C5orf22: variants seen among roughly 807,000 people sequenced by gnomAD.
C5orf22 encodes the protein UPF0489 protein C5orf22.
In C5orf22, 36 loss-of-function variants were observed where a neutral mutation model predicts 48.7. The observed-to-expected ratio is 0.74, with a 90% CI of 0.57 to 0.98. The LOEUF (loss-of-function observed/expected upper bound fraction) is 0.98, where lower values mean the gene tolerates loss of function less well. Ranked by LOEUF, C5orf22 falls within the 50% of genes least tolerant of loss-of-function variation. The pLI, the probability that C5orf22 is intolerant of heterozygous loss-of-function variation, is 0.00. For synonymous variants in C5orf22, 141 were observed against 180.8 expected (o/e 0.78, Z 1.76); for missense variants, 486 against 521.9 (o/e 0.93, Z 0.67).
At chr5:31,540,731 A>G (rs1742399947) in intron 4 of C5orf22, 1 of 470,824 alleles carries the variant, frequency 2.1e-6, no homozygotes, top group Non-Finnish European at 3.8e-6. Context: ...TGAAGAAGTG[A>G]TATTTACAAT....
chr5:31,551,924 C>T (rs1016300023), intron 8 of C5orf22, among the ~76,000 whole-genome samples: 14 of 152,068 alleles, frequency 9.2e-5, no homozygotes, highest in African/African-American at 2.9e-4. Context: ...GTCACTAGAG[C>T]GTAAAATGAG....
chr5:31,534,458 A>C, intron 2 of C5orf22, 41 bp downstream of exon 2: 1 of 1,552,522 alleles, frequency 6.4e-7, no homozygotes, highest in Non-Finnish European at 8.8e-7. Flanking sequence ...TGTTTGAAGT[A>C]CAATTTGCAG....
chr5:31,545,309 C>A (rs745567237), intron 6 of C5orf22, among the ~76,000 whole-genome samples: 29 of 152,252 alleles, frequency 1.9e-4, no homozygotes, highest in African/African-American at 6.3e-4. Flanking sequence ...CCGCCCGCCT[C>A]GGCCTCCCAA....
chr5:31,537,667 G>A (rs1338660512), intron 3 of C5orf22, among the ~76,000 whole-genome samples: 1 of 152,176 alleles, frequency 6.6e-6, no homozygotes, highest in Non-Finnish European at 1.5e-5. Context: ...TCTAAAATAT[G>A]TCAGGGGGAG....
At chr5:31,552,388 C>T (rs1487668435) in intron 8 of C5orf22, among the ~76,000 whole-genome samples, 1 of 152,184 alleles carries the variant, frequency 6.6e-6, no homozygotes, top group Non-Finnish European at 1.5e-5. Flanking sequence ...AGCCCTAGCA[C>T]ACACATAATA....
chr5:31,535,706 A>AC, intron 2 of C5orf22, 38 bp from the exon 3 acceptor site: 2 of 1,491,094 alleles, frequency 1.3e-6, no homozygotes, highest in Non-Finnish European at 1.8e-6. Context: ...AAAAATAAAA[A>AC]TAAAAGTTTT....
chr5:31,540,928 AT>A lies in C5orf22; in HGVS notation c.808-15del. ...TAACTTTTTTTTTTCTGGTATGTGG[AT>A]TTTTTGTTTTGTTTTCCAGGAAGAG... On this transcript the variant is annotated intron_variant, in intron 4 of 8. Coordinates refer to ENST00000325366, the MANE Select transcript of C5orf22 (RefSeq NM_018356.3). The A allele has an allele frequency of 6.3e-7, 1 of 1,584,904 alleles. No homozygotes were observed. Among genetic ancestry groups the A allele is most frequent in the Non-Finnish European group, 8.6e-7 (1 of 1,163,086 alleles).
At chr5:31,538,037 C>G in intron 3 of C5orf22, 1 of 449,544 alleles carries the variant, frequency 2.2e-6, no homozygotes. Flanking sequence ...ATGGCCACAC[C>G]AGGCTGCAAG....
intron 7 of C5orf22, 83 bp downstream of exon 7, chr5:31,545,795 G>A: frequency 1.1e-6 from 1 of 910,834 alleles, no homozygotes; most frequent in South Asian, 1.6e-5. Flanking sequence ...TTGTTAAAGT[G>A]GTTCGTTTTT....
chr5:31,532,369 T>G lies in C5orf22; in HGVS notation c.-24T>G. 4 of 1,613,688 alleles carry G rather than the reference T, an allele frequency of 2.5e-6. No individual in the cohort carries two copies. Among genetic ancestry groups the G allele is most frequent in the Non-Finnish European group, 2.5e-6 (3 of 1,179,748 alleles). ...TCTTCTCCAGCTGCCACCGCTTTAC[T>G]GCAAAACTGACGGGCGCAAAAACAT... On this transcript the variant is annotated 5_prime_UTR_variant, in exon 1 of 9. Transcript: ENST00000325366.
chr5:31,544,990 T>C (rs1218179057), intron 6 of C5orf22, among the ~76,000 whole-genome samples: 3 of 151,924 alleles, frequency 2.0e-5, no homozygotes, highest in Non-Finnish European at 2.9e-5. Context: ...TTTTTTTTTT[T>C]TTAGCTTTCA....
chr5:31,534,853 G>T, intron 2 of C5orf22: 1 of 347,504 alleles, frequency 2.9e-6, no homozygotes, highest in South Asian at 2.3e-5. Context: ...ACTCCAGACT[G>T]GGCAACATAA....
At chr5:31,550,867 T>G (rs953882631) in intron 7 of C5orf22, among the ~76,000 whole-genome samples, 1 of 152,162 alleles carries the variant, frequency 6.6e-6, no homozygotes, top group East Asian at 1.9e-4. Flanking sequence ...TGGCCTCAAC[T>G]TTTTAGAATC....
At chr5:31,548,288 G>A (rs890170754) in intron 7 of C5orf22, among the ~76,000 whole-genome samples, 3 of 150,652 alleles carry the variant, frequency 2.0e-5, no homozygotes, top group Non-Finnish European at 4.4e-5. Context: ...GTGACAGAGC[G>A]AGACTCCATT....
At chr5:31,537,890 T>G (rs1157259497) in intron 3 of C5orf22, among the ~76,000 whole-genome samples, 1 of 152,220 alleles carries the variant, frequency 6.6e-6, no homozygotes. Flanking sequence ...CACCACCGTC[T>G]CTAGAATATT....
intron 1 of C5orf22, 118 bp from the exon 2 acceptor site, chr5:31,534,154 C>T (rs906464820): frequency 6.8e-6 from 6 of 885,884 alleles, no homozygotes; most frequent in Non-Finnish European, 1.0e-5. Flanking sequence ...TTCCACTTTA[C>T]AGCAACATAG....
At chr5:31,543,070 T>C (rs1310485724) in intron 6 of C5orf22, among the ~76,000 whole-genome samples, 1 of 152,242 alleles carries the variant, frequency 6.6e-6, no homozygotes, top group East Asian at 1.9e-4. Flanking sequence ...TGATGAAGTA[T>C]ATGAGTGAGA....
chr5:31,539,016 C>T (rs971005405), intron 4 of C5orf22, among the ~76,000 whole-genome samples: 2 of 152,102 alleles, frequency 1.3e-5, no homozygotes, highest in African/African-American at 2.4e-5. Context: ...CAGGTATATA[C>T]AGTCAGCCCT....
intron 4 of C5orf22, 132 bp downstream of exon 4, chr5:31,538,821 A>G (rs1742274213): frequency 1.5e-6 from 1 of 673,882 alleles, no homozygotes; most frequent in Admixed American, 2.9e-5. Flanking sequence ...CTCTACTAAT[A>G]CCCTTTTCTG....
Sources: gnomAD v4.1 joint callset for allele counts (sites outside exome capture counted in the v4.1 genomes callset) on GRCh38, gnomAD v4.1.1 for gene constraint, MANE v1.5 for transcripts, NCBI Gene and HGNC (gene_info 2026-07-23, HGNC 2026-07-21) for gene names.